MYO3B: variants seen among roughly 807,000 people sequenced by gnomAD.
The protein encoded by MYO3B is myosin IIIB, also known as myosin-IIIb.
A neutral mutation model predicts 174.6 loss-of-function variants in MYO3B; 156 were observed. That is an observed-to-expected ratio of 0.89 (90% CI 0.78 to 1.02). The LOEUF is 1.02. MYO3B is among the 50% of genes least tolerant of loss of function. The pLI is 0.00. For missense variants in MYO3B, 1,632 were observed against 1,639.4 expected, an observed-to-expected ratio of 1.00 and a Z score of 0.08; for synonymous variants, 563 against 569.1, an observed-to-expected ratio of 0.99 and a Z score of 0.15.
At chr2:170,566,163 T>C (rs1224217589) in intron 32 of MYO3B, among the ~76,000 whole-genome samples, 1 of 152,220 alleles carries the variant, frequency 6.6e-6, no homozygotes, top group African/African-American at 2.4e-5. Flanking sequence ...TTTCATTATT[T>C]TCTCAGTAAT....
At chr2:170,646,864 T>A (rs768734400) in intron 32 of MYO3B, 1 of 1,241,148 alleles carries the variant, frequency 8.1e-7, no homozygotes, top group African/African-American at 1.5e-5. Context: ...TCAACATTTT[T>A]CAGTATCTCG....
intron 7 of MYO3B, among the ~76,000 whole-genome samples, chr2:170,312,254 A>G (rs1428245196): frequency 6.6e-6 from 1 of 152,220 alleles, no homozygotes; most frequent in Non-Finnish European, 1.5e-5. Flanking sequence ...CTACTTTAAG[A>G]CTGGTCTGGG....
At chr2:170,564,503 C>T (rs1464000020) in intron 32 of MYO3B, among the ~76,000 whole-genome samples, 1 of 152,088 alleles carries the variant, frequency 6.6e-6, no homozygotes, top group East Asian at 1.9e-4. Flanking sequence ...CATTCTAAGG[C>T]AAATATTTAA....
intron 1 of MYO3B, among the ~76,000 whole-genome samples, chr2:170,192,117 T>C (rs1379137590): frequency 1.3e-5 from 2 of 152,128 alleles, no homozygotes; most frequent in Non-Finnish European, 2.9e-5. Flanking sequence ...GAATTATCTT[T>C]TTCTTTCTTC....
chr2:170,439,745 A>G (rs1452349222), intron 22 of MYO3B, among the ~76,000 whole-genome samples: 1 of 152,098 alleles, frequency 6.6e-6, no homozygotes, highest in African/African-American at 2.4e-5. Context: ...CAGTGGTGCT[A>G]TCCCTGTTCA....
chr2:170,233,923 G>A (rs983461892), intron 6 of MYO3B, among the ~76,000 whole-genome samples: 6 of 152,076 alleles, frequency 3.9e-5, no homozygotes, highest in Admixed American at 1.3e-4. Context: ...TGTAATCCCA[G>A]CACTTTGGGA....
intron 30 of MYO3B, among the ~76,000 whole-genome samples, chr2:170,533,107 C>G (rs1452291624): frequency 6.6e-6 from 1 of 152,182 alleles, no homozygotes; most frequent in Non-Finnish European, 1.5e-5. Flanking sequence ...TGATCTTTCT[C>G]CATTCACACC....
At chr2:170,437,815 C>T (rs1297145296) in intron 22 of MYO3B, among the ~76,000 whole-genome samples, 1 of 152,132 alleles carries the variant, frequency 6.6e-6, no homozygotes, top group Admixed American at 6.5e-5. Context: ...TCAACCCTCA[C>T]AATGGCGCGC....
chr2:170,445,212 T>C (rs897691525), intron 23 of MYO3B, among the ~76,000 whole-genome samples: 2 of 152,218 alleles, frequency 1.3e-5, no homozygotes, highest in Admixed American at 1.3e-4. Context: ...ATTGCAGCAT[T>C]TGTGTCATTG....
chr2:170,422,145 C>T (rs1350921125), intron 22 of MYO3B, among the ~76,000 whole-genome samples: 1 of 152,176 alleles, frequency 6.6e-6, no homozygotes, highest in East Asian at 1.9e-4. Context: ...TAAAATTGAA[C>T]AGACCAACCC....
intron 32 of MYO3B, among the ~76,000 whole-genome samples, chr2:170,563,898 G>C (rs980753319): frequency 2.0e-5 from 3 of 152,146 alleles, no homozygotes; most frequent in Admixed American, 2.0e-4. Context: ...GAAGAAGCTG[G>C]GAAGCATAGT....
chr2:170,492,022 C>T (rs1287352853), intron 25 of MYO3B, among the ~76,000 whole-genome samples: 1 of 148,956 alleles, frequency 6.7e-6, no homozygotes, highest in Non-Finnish European at 1.5e-5. Context: ...CATTGTACTT[C>T]AGCCTGGGTG....
intron 23 of MYO3B, among the ~76,000 whole-genome samples, chr2:170,461,987 T>G (rs553719125): frequency 6.6e-6 from 1 of 152,356 alleles, no homozygotes; most frequent in Non-Finnish European, 1.5e-5. Flanking sequence ...CTCTGAGTTC[T>G]GTACTCAAAT....
At chr2:170,544,862 A>G in intron 32 of MYO3B, among the ~76,000 whole-genome samples, 1 of 152,226 alleles carries the variant, frequency 6.6e-6, no homozygotes, top group East Asian at 1.9e-4. Flanking sequence ...TATTTTCCTC[A>G]TAGGCAGACA....
At chr2:170,601,438 T>A (rs1694502905) in intron 32 of MYO3B, among the ~76,000 whole-genome samples, 1 of 152,240 alleles carries the variant, frequency 6.6e-6, no homozygotes, top group Admixed American at 6.5e-5. Context: ...AGGACAGGGC[T>A]ATCTAAAGAC....
chr2:170,586,105 G>T (rs1231210466), intron 32 of MYO3B, among the ~76,000 whole-genome samples: 1 of 152,256 alleles, frequency 6.6e-6, no homozygotes, highest in Non-Finnish European at 1.5e-5. Flanking sequence ...TTAGGAAGCA[G>T]CACCTTTGGC....
intron 22 of MYO3B, among the ~76,000 whole-genome samples, chr2:170,434,289 A>C (rs1449730303): frequency 6.6e-6 from 1 of 152,128 alleles, no homozygotes; most frequent in African/African-American, 2.4e-5. Flanking sequence ...TCCCGGGCTC[A>C]ACTTGTTATA....
intron 32 of MYO3B, among the ~76,000 whole-genome samples, chr2:170,650,541 C>G (rs1698918789): frequency 6.6e-6 from 1 of 151,938 alleles, no homozygotes; most frequent in African/African-American, 2.4e-5. Flanking sequence ...GGACAATATT[C>G]TATGACAGAG....
chr2:170,348,577 T>G (rs945325096), intron 8 of MYO3B: 21 of 152,096 alleles, frequency 1.4e-4, no homozygotes, highest in African/African-American at 5.1e-4. Flanking sequence ...CAACATCCTA[T>G]GTACCTTTTT....
Sources: allele counts gnomAD v4.1 joint callset (sites outside exome capture counted in the v4.1 genomes callset), GRCh38; gene constraint gnomAD v4.1.1; transcripts MANE v1.5; gene names NCBI Gene and HGNC (gene_info 2026-07-23, HGNC 2026-07-21).